SLC2A13: variants seen among roughly 807,000 people sequenced by gnomAD.
SLC2A13 encodes the protein proton myo-inositol cotransporter.
SLC2A13 carries 32 observed loss-of-function variants against 64.4 expected under a neutral mutation model. The ratio of observed to expected loss-of-function variants is 0.50; its 90% CI spans 0.37 to 0.67. The LOEUF is 0.67. Among genes scored for constraint, SLC2A13 ranks in the 30% least tolerant of loss-of-function variants. The pLI is 0.00. For synonymous variants in SLC2A13, 338 were observed against 327.1 expected, an observed-to-expected ratio of 1.03 and a Z score of -0.36; for missense variants, 743 against 829.2, an observed-to-expected ratio of 0.90 and a Z score of 1.28.
chr12:39,808,361 T>C (rs1269341681), intron 7 of SLC2A13, among the ~76,000 whole-genome samples: 1 of 152,142 alleles, frequency 6.6e-6, no homozygotes, highest in Non-Finnish European at 1.5e-5. Context: ...TGAAGTAACA[T>C]CTACGTAATT....
At chr12:40,095,396 C>T (rs111711112) in intron 1 of SLC2A13, among the ~76,000 whole-genome samples, 154 of 152,284 alleles carry the variant, frequency 1.0e-3, no homozygotes, top group South Asian at 7.0e-3. Context: ...CACCTTTATT[C>T]CTTCTTCCAA....
intron 6 of SLC2A13, among the ~76,000 whole-genome samples, chr12:39,861,837 T>C (rs772020965): frequency 2.0e-5 from 3 of 152,220 alleles, no homozygotes; most frequent in Admixed American, 6.5e-5. Flanking sequence ...GTGCACACTT[T>C]TATCTATTAA....
At chr12:40,000,513 G>A (rs1392511092) in intron 3 of SLC2A13, among the ~76,000 whole-genome samples, 7 of 152,240 alleles carry the variant, frequency 4.6e-5, no homozygotes, top group Admixed American at 4.6e-4. Flanking sequence ...TGCCAGGGCT[G>A]CTATAGCAAA....
chr12:39,978,556 G>A (rs1946811334), intron 3 of SLC2A13, among the ~76,000 whole-genome samples: 1 of 152,190 alleles, frequency 6.6e-6, no homozygotes, highest in African/African-American at 2.4e-5. Flanking sequence ...CAAAGAAAGG[G>A]GTGACGGATG....
intron 7 of SLC2A13, among the ~76,000 whole-genome samples, chr12:39,793,383 A>G (rs1054756487): frequency 6.6e-6 from 1 of 152,150 alleles, no homozygotes; most frequent in Admixed American, 6.6e-5. Context: ...ATTGGTAAAG[A>G]CATCAATTCA....
chr12:39,974,875 C>A (rs1265138110), intron 3 of SLC2A13, among the ~76,000 whole-genome samples: 1 of 152,184 alleles, frequency 6.6e-6, no homozygotes. Context: ...AGAAAACTTA[C>A]AGGCAAAATT....
rs767214436 is a variant in SLC2A13 at position 40,048,137 on chromosome 12, G to A, written c.630C>T (p.Thr210=). 2 of 1,613,450 alleles carry A rather than the reference G, an allele frequency of 1.2e-6. No individual in the cohort carries two copies. The highest frequency in any genetic ancestry group is 1.7e-6 in the Non-Finnish European group (2 of 1,179,750). The change falls in exon 2 of 10, where the codon ACC becomes ACT. Residue 210 remains threonine, a synonymous_variant. Transcript: ENST00000280871. ...SPPNLRGRLV[T]INTLFITGGQ... ...CTCCTGTGATGAAGAGGGTATTAATGGTGACTAATCGGCCTCTTAAATTGG... is the reference window on the plus strand; with the variant it reads ...CTCCTGTGATGAAGAGGGTATTAATAGTGACTAATCGGCCTCTTAAATTGG...
At chr12:40,002,828 G>A (rs1252256479) in intron 3 of SLC2A13, among the ~76,000 whole-genome samples, 1 of 143,458 alleles carries the variant, frequency 7.0e-6, no homozygotes, top group Admixed American at 7.2e-5. Flanking sequence ...GGGTATGGCT[G>A]AGTATAGTGT....
chr12:39,766,225 C>A (rs545241346), intron 7 of SLC2A13, among the ~76,000 whole-genome samples: 1 of 152,066 alleles, frequency 6.6e-6, no homozygotes, highest in South Asian at 2.1e-4. Context: ...GCTTAGACCA[C>A]GCCAATACAG....
At chr12:40,031,321 C>T (rs1947901280) in intron 2 of SLC2A13, among the ~76,000 whole-genome samples, 1 of 152,166 alleles carries the variant, frequency 6.6e-6, no homozygotes, top group Non-Finnish European at 1.5e-5. Context: ...CTCCCGGGTT[C>T]AAGCAATTCT....
chr12:39,805,254 A>G (rs1941942026), intron 7 of SLC2A13, among the ~76,000 whole-genome samples: 1 of 152,190 alleles, frequency 6.6e-6, no homozygotes, highest in African/African-American at 2.4e-5. Flanking sequence ...TTGAACAGAA[A>G]GTGGTGTGAT....
chr12:40,025,015 T>C (rs1253252623), intron 3 of SLC2A13, among the ~76,000 whole-genome samples: 1 of 152,252 alleles, frequency 6.6e-6, no homozygotes, highest in Non-Finnish European at 1.5e-5. Context: ...TTATTATTCC[T>C]ACAGGATGTA....
At chr12:39,813,391 C>T (rs1942248145) in intron 7 of SLC2A13, among the ~76,000 whole-genome samples, 1 of 152,082 alleles carries the variant, frequency 6.6e-6, no homozygotes. Flanking sequence ...CTTTCAACAA[C>T]TGTAAACACA....
chr12:39,814,542 C>A (rs1480533254), intron 7 of SLC2A13, among the ~76,000 whole-genome samples: 1 of 152,034 alleles, frequency 6.6e-6, no homozygotes, highest in Non-Finnish European at 1.5e-5. Context: ...AAAGTTCTTA[C>A]AAACTGAAGA....
At chr12:39,953,519 GA>G in intron 3 of SLC2A13, among the ~76,000 whole-genome samples, 1 of 152,048 alleles carries the variant, frequency 6.6e-6, no homozygotes, top group African/African-American at 2.4e-5. Flanking sequence ...TGAGGCAGAA[GA>G]AAAAAATCAA....
chr12:40,025,150 T>A (rs1488318840), intron 3 of SLC2A13, among the ~76,000 whole-genome samples: 1 of 152,202 alleles, frequency 6.6e-6, no homozygotes, highest in African/African-American at 2.4e-5. Context: ...TGCAAATGAG[T>A]CTGACCTCAA....
At chr12:39,950,951 A>G (rs956465499) in intron 4 of SLC2A13, 4 of 362,600 alleles carry the variant, frequency 1.1e-5, no homozygotes, top group Non-Finnish European at 2.0e-5. Context: ...ACCAGCATCA[A>G]GAAATGGCTT....
intron 4 of SLC2A13, among the ~76,000 whole-genome samples, chr12:39,890,292 T>C (rs991508945): frequency 5.3e-5 from 8 of 152,206 alleles, no homozygotes; most frequent in African/African-American, 1.9e-4. Context: ...TAGAGCATCA[T>C]TATTATTAAA....
At chr12:39,810,867 G>A (rs1405699658) in intron 7 of SLC2A13, among the ~76,000 whole-genome samples, 1 of 152,066 alleles carries the variant, frequency 6.6e-6, no homozygotes, top group Non-Finnish European at 1.5e-5. Flanking sequence ...GGGAGATACT[G>A]CGATGTTCAT....
Sources: allele counts gnomAD v4.1 joint callset (sites outside exome capture counted in the v4.1 genomes callset), GRCh38; gene constraint gnomAD v4.1.1; transcripts MANE v1.5; gene names NCBI Gene and HGNC (gene_info 2026-07-23, HGNC 2026-07-21).